The following TANGO6 variants were observed in gnomAD, a reference collection of about 807,000 sequenced individuals.
TANGO6 encodes transport and golgi organization 6 homolog.
TANGO6 carries 90 observed loss-of-function variants against 114.2 expected under a neutral mutation model. The ratio of observed to expected loss-of-function variants is 0.79; its 90% CI spans 0.66 to 0.94. TANGO6 has a LOEUF of 0.94. Among genes scored for constraint, TANGO6 ranks in the 40% least tolerant of loss-of-function variants. The pLI, the probability that TANGO6 is intolerant of heterozygous loss-of-function variation, is 0.00. For synonymous variants in TANGO6, 477 were observed against 509.8 expected, an observed-to-expected ratio of 0.94 and a Z score of 0.87; for missense variants, 1,274 against 1,315.3, an observed-to-expected ratio of 0.97 and a Z score of 0.49.
rs991389414 is a variant in TANGO6 at position 68,910,652 on chromosome 16, C to T, written c.1992+1250C>T. The stretch of plus-strand genomic sequence containing the variant: ...AATTGCATTTGGTAATGTCACTGCT[C>T]GTGATAATATTGGTATATTGTTTTG... On this transcript the variant is annotated intron_variant, in intron 11 of 17. Coordinates refer to ENST00000261778, the MANE Select transcript of TANGO6 (RefSeq NM_024562.2). Among the ~76,000 whole-genome samples, 119 of 152,066 alleles carry T rather than the reference C, an allele frequency of 7.8e-4. 1 individual carries two copies. Among genetic ancestry groups the T allele is most frequent in the Non-Finnish European group, 1.0e-3 (69 of 68,010 alleles).
intron 12 of TANGO6, among the ~76,000 whole-genome samples, chr16:68,919,818 G>A (rs1844581500): frequency 6.6e-6 from 1 of 152,088 alleles, no homozygotes; most frequent in African/African-American, 2.4e-5. Flanking sequence ...GAGTTTGGTG[G>A]ATCACCTGAG....
At chr16:68,898,459 T>C (rs1962737153) in intron 7 of TANGO6, among the ~76,000 whole-genome samples, 1 of 152,174 alleles carries the variant, frequency 6.6e-6, no homozygotes, top group South Asian at 2.1e-4. Context: ...TTTCTATAAA[T>C]AAGGGCCTCT....
At chr16:68,968,827 C>A (rs1349447171) in intron 14 of TANGO6, among the ~76,000 whole-genome samples, 3 of 151,726 alleles carry the variant, frequency 2.0e-5, no homozygotes, top group Admixed American at 2.0e-4. Flanking sequence ...CCCACTACCA[C>A]GCCCAGCTAA....
intron 5 of TANGO6, among the ~76,000 whole-genome samples, chr16:68,876,981 G>T (rs535503597): frequency 6.6e-6 from 1 of 152,140 alleles, no homozygotes; most frequent in South Asian, 2.1e-4. Context: ...TACAAATTAT[G>T]CTACAGTTAA....
chr16:68,909,176 T>C lies in TANGO6; in HGVS notation c.1801-35T>C. On this transcript the variant is annotated intron_variant, in intron 10 of 17. Coordinates refer to ENST00000261778, the MANE Select transcript of TANGO6 (RefSeq NM_024562.2). ...TGAGAAGGCCTTAGTTGTACTGGCT[T>C]TATCTTCACTTTTTCTTTCCTGCCA... 3 of 1,437,162 alleles carry C rather than the reference T, an allele frequency of 2.1e-6. No homozygotes were observed. The South Asian group carries it at 4.8e-5, about 23-fold the overall frequency. 89.0% of individuals were successfully genotyped at this position (1,437,162 alleles called of 1,614,324 possible). A position where few individuals can be genotyped will look rare whatever the true frequency, so the allele number is the denominator to read the frequency against.
intron 3 of TANGO6, among the ~76,000 whole-genome samples, chr16:68,865,645 G>A (rs1486157313): frequency 2.6e-5 from 4 of 151,942 alleles, no homozygotes; most frequent in South Asian, 2.1e-4. Context: ...AAAGAAATCC[G>A]GCCGGGCGCG....
intron 14 of TANGO6, among the ~76,000 whole-genome samples, chr16:68,955,343 C>T (rs1176326921): frequency 6.6e-6 from 1 of 152,160 alleles, no homozygotes; most frequent in African/African-American, 2.4e-5. Context: ...TGCAATTCAG[C>T]AACCAAATGG....
chr16:69,044,382 T>A (rs756695241), intron 17 of TANGO6, among the ~76,000 whole-genome samples: 7 of 152,160 alleles, frequency 4.6e-5, no homozygotes, highest in Non-Finnish European at 8.8e-5. Flanking sequence ...ACGCCTGTAA[T>A]CCCAGCAGTT....
chr16:69,082,060 T>C (rs574267309), intron 17 of TANGO6, among the ~76,000 whole-genome samples: 3 of 152,244 alleles, frequency 2.0e-5, no homozygotes, highest in Admixed American at 1.3e-4. Flanking sequence ...CTGGGCTCAC[T>C]GCAACCTCCG....
At chr16:69,044,756 G>T (rs540423225) in intron 17 of TANGO6, among the ~76,000 whole-genome samples, 1 of 152,310 alleles carries the variant, frequency 6.6e-6, no homozygotes, top group African/African-American at 2.4e-5. Flanking sequence ...GTTGGCACAT[G>T]CCCGTAGTCT....
chr16:68,887,570 G>A (rs1409139110), intron 7 of TANGO6, among the ~76,000 whole-genome samples: 1 of 152,138 alleles, frequency 6.6e-6, no homozygotes, highest in Non-Finnish European at 1.5e-5. Context: ...GGGAAGGATT[G>A]CATATTAGAA....
intron 15 of TANGO6, among the ~76,000 whole-genome samples, chr16:69,022,076 G>A (rs1040705757): frequency 4.6e-5 from 7 of 151,430 alleles, no homozygotes; most frequent in African/African-American, 1.5e-4. Context: ...TAGTAGAGAC[G>A]GGGGTTTCAC....
chr16:68,987,683 T>G (rs1355725004), intron 15 of TANGO6, among the ~76,000 whole-genome samples: 1 of 152,244 alleles, frequency 6.6e-6, no homozygotes, highest in African/African-American at 2.4e-5. Context: ...AAATTGTTTA[T>G]ATACTAACAG....
chr16:68,863,964 C>T (rs1021428052), intron 3 of TANGO6, among the ~76,000 whole-genome samples: 1 of 152,028 alleles, frequency 6.6e-6, no homozygotes, highest in African/African-American at 2.4e-5. Flanking sequence ...CACCTCAGGC[C>T]AGGAGTTCGA....
chr16:68,973,802 A>C, intron 14 of TANGO6: 1 of 555,218 alleles, frequency 1.8e-6, no homozygotes. Flanking sequence ...GAGTGACCTT[A>C]GAGATCGTAT....
intron 7 of TANGO6, among the ~76,000 whole-genome samples, chr16:68,887,703 C>A (rs1962557267): frequency 6.6e-6 from 1 of 152,012 alleles, no homozygotes; most frequent in African/African-American, 2.4e-5. Flanking sequence ...ATGGTGAAAC[C>A]CTGTTTCTAC....
chr16:68,879,261 C>T (rs990733235), intron 6 of TANGO6, among the ~76,000 whole-genome samples: 1 of 151,406 alleles, frequency 6.6e-6, no homozygotes, highest in Non-Finnish European at 1.5e-5. Flanking sequence ...GTGGGAGGAT[C>T]ACTTGAGCCC....
intron 17 of TANGO6, among the ~76,000 whole-genome samples, chr16:69,047,631 T>C (rs1489867711): frequency 6.6e-6 from 1 of 152,116 alleles, no homozygotes; most frequent in South Asian, 2.1e-4. Context: ...ATAACGAGAA[T>C]TGAATATATA....
intron 10 of TANGO6, among the ~76,000 whole-genome samples, chr16:68,908,334 C>T (rs972935182): frequency 1.3e-5 from 2 of 152,082 alleles, no homozygotes; most frequent in Non-Finnish European, 1.5e-5. Context: ...CACCCGTCCC[C>T]GTGCCCAGCA....
Sources: gnomAD v4.1 joint callset for allele counts (sites outside exome capture counted in the v4.1 genomes callset) on GRCh38, gnomAD v4.1.1 for gene constraint, MANE v1.5 for transcripts, NCBI Gene and HGNC (gene_info 2026-07-23, HGNC 2026-07-21) for gene names.